The following GRIN2A variants were observed in gnomAD, a reference collection of about 807,000 sequenced individuals.
GRIN2A encodes glutamate receptor ionotropic, NMDA 2A.
GRIN2A carries 22 observed loss-of-function variants against 113.4 expected under a neutral mutation model. The observed-to-expected ratio is 0.19, with a 90% CI of 0.14 to 0.28. GRIN2A has a LOEUF of 0.28. Ranked by LOEUF, GRIN2A falls within the 10% of genes least tolerant of loss-of-function variation. The probability of loss-of-function intolerance (pLI) is 1.00; values close to 1 mark genes in which losing one functional copy is unlikely to be tolerated. For missense variants in GRIN2A, 1,502 were observed against 1,887.0 expected (o/e 0.80, Z 3.78); for synonymous variants, 827 against 738.4 (o/e 1.12, Z -1.94).
At chr16:10,150,731 T>G (rs2049551270) in intron 2 of GRIN2A, among the ~76,000 whole-genome samples, 1 of 151,636 alleles carries the variant, frequency 6.6e-6, no homozygotes, top group Admixed American at 6.6e-5. Flanking sequence ...CTCTCTTAAA[T>G]ACTCCACCTT....
At chr16:10,118,425 G>C (rs1423966651) in intron 2 of GRIN2A, among the ~76,000 whole-genome samples, 1 of 152,062 alleles carries the variant, frequency 6.6e-6, no homozygotes, top group African/African-American at 2.4e-5. Context: ...TGTGGGTACA[G>C]CTCTACAAGC....
chr16:9,829,588 A>G lies in GRIN2A; in HGVS notation c.1842T>C (p.Asn614=), dbSNP rs138236719. 1.5e-5 allele frequency: 24 copies of G among 1,613,916 alleles called. No individual in the cohort carries two copies. Among genetic ancestry groups the G allele is most frequent in the African/African-American group, 2.7e-5 (2 of 74,924 alleles). Residue 614 remains asparagine (N), a synonymous_variant, in exon 9 of 13, where the codon AAT becomes AAC. Coordinates refer to ENST00000330684, the MANE Select transcript of GRIN2A (RefSeq NM_001134407.3). ...TAGGATTCTGGACAGGCACGGAGTT[A>G]TTGAACACCAGGCCCCAAAGAAGCC... ...AIWLLWGLVF[N]NSVPVQNPKG... is the part of the protein sequence containing the mutation.
intron 10 of GRIN2A, among the ~76,000 whole-genome samples, chr16:9,820,465 G>A (rs1041494257): frequency 1.3e-5 from 2 of 152,114 alleles, no homozygotes; most frequent in Non-Finnish European, 2.9e-5. Flanking sequence ...ACAGAAATGC[G>A]CTCACTCATT....
Position 9,761,255 on chromosome 16 carries a change from TG to T in GRIN2A, c.*1893del, listed in dbSNP as rs1253326422. 2 of 230,616 alleles carry T rather than the reference TG, an allele frequency of 8.7e-6. No homozygotes were observed. The highest frequency in any genetic ancestry group is 2.2e-5 in the African/African-American group (1 of 45,194). The allele number at this position is 230,616 out of a possible 1,614,324, so 14.3% of individuals were successfully genotyped here. On this transcript the variant is annotated 3_prime_UTR_variant, in exon 13 of 13. Transcript: ENST00000330684. The stretch of plus-strand genomic sequence containing the variant: ...CTTTAAGGGAATCATCCCTGACACT[TG>T]CCCACATGCAAGAAAATAATACTTA...
chr16:10,117,907 T>TA (rs1282303741), intron 2 of GRIN2A, among the ~76,000 whole-genome samples: 1 of 152,226 alleles, frequency 6.6e-6, no homozygotes, highest in Non-Finnish European at 1.5e-5. Flanking sequence ...CTTGCCCCTT[T>TA]ATCCCTGTGG....
intron 4 of GRIN2A, among the ~76,000 whole-genome samples, chr16:9,873,939 T>C (rs2043314655): frequency 6.6e-6 from 1 of 152,370 alleles, no homozygotes; most frequent in Non-Finnish European, 1.5e-5. Flanking sequence ...CGATTCAAAT[T>C]GTTTGTTTCA....
At chr16:9,829,927 A>G (rs2042458046) in intron 8 of GRIN2A, among the ~76,000 whole-genome samples, 1 of 152,222 alleles carries the variant, frequency 6.6e-6, no homozygotes, top group Admixed American at 6.5e-5. Context: ...GGTTTGAATA[A>G]GTAGTGTTAT....
intron 5 of GRIN2A, among the ~76,000 whole-genome samples, chr16:9,849,208 TC>T (rs1351141602): frequency 3.1e-4 from 45 of 144,184 alleles, no homozygotes; most frequent in African/African-American, 9.3e-4. Flanking sequence ...ATATATAATT[TC>T]TATATATTTA....
At chr16:9,968,850 G>A (rs2315513) in intron 2 of GRIN2A, among the ~76,000 whole-genome samples, 32,350 of 151,792 alleles carry the variant, frequency 0.21, 3,587 homozygotes, top group Non-Finnish European at 0.23. Flanking sequence ...CAGGTGATCC[G>A]CCCGCCTCAG....
rs1404462639 is a variant in GRIN2A, at chr16:9,829,628, A to G, written c.1802T>C (p.Ile601Thr). The change falls in exon 9 of 13, where the codon ATT becomes ACT. Residue 601 changes from isoleucine (I) to threonine (T), a missense_variant. By Grantham distance (89) the Ile-to-Thr change is moderately conservative (BLOSUM62 -1). Coordinates refer to ENST00000330684, the MANE Select transcript of GRIN2A (RefSeq NM_001134407.3). ...GKAPHGPSFTIGKAIWLLWGL... is the reference protein window; with the variant it reads ...GKAPHGPSFTTGKAIWLLWGL... Reference sequence around the variant, plus strand: ...CCAAAGAAGCCATATAGCTTTTCCAATTGTAAAAGAAGGCCCATGGGGTGC... The same window carrying G: ...CCAAAGAAGCCATATAGCTTTTCCAGTTGTAAAAGAAGGCCCATGGGGTGC... 6.2e-7 allele frequency: 1 copy of G among 1,613,670 alleles called. No homozygotes were observed. The highest frequency in any genetic ancestry group is 8.5e-7 in the Non-Finnish European group (1 of 1,179,618).
At chr16:10,016,744 T>G (rs1385172708) in intron 2 of GRIN2A, among the ~76,000 whole-genome samples, 1 of 152,170 alleles carries the variant, frequency 6.6e-6, no homozygotes, top group Admixed American at 6.5e-5. Context: ...AGCTCACATC[T>G]CTCTTACCTG....
At chr16:9,907,410 G>T (rs1412498494) in intron 3 of GRIN2A, among the ~76,000 whole-genome samples, 1 of 152,092 alleles carries the variant, frequency 6.6e-6, no homozygotes, top group South Asian at 2.1e-4. Context: ...GACATTCTCC[G>T]AAACCCAAAA....
At chr16:10,039,813 A>AGAGAGAGAGAGAGAGGGAGAGAGAG (rs1555469303) in intron 2 of GRIN2A, among the ~76,000 whole-genome samples, 1 of 73,582 alleles carries the variant, frequency 1.4e-5, no homozygotes, top group Non-Finnish European at 2.5e-5. Flanking sequence ...GGGGGGGAGA[A>AGAGAGAGAGAGAGAGGGAGAGAGAG]AGAGAGAGAG....
At chr16:10,124,387 G>A (rs1245244768) in intron 2 of GRIN2A, among the ~76,000 whole-genome samples, 2 of 152,272 alleles carry the variant, frequency 1.3e-5, no homozygotes, top group South Asian at 2.1e-4. Flanking sequence ...CTCAATAACT[G>A]GAGGCTGTTA....
rs947998688 is a variant in GRIN2A at position 9,754,652 on chromosome 16, A to T, written c.*8497T>A. 10 of 216,404 alleles carry T rather than the reference A, an allele frequency of 4.6e-5. No homozygotes were observed. Among genetic ancestry groups the T allele is most frequent in the East Asian group, 1.4e-4 (2 of 14,480 alleles). The allele number at this position is 216,404 out of a possible 1,614,324, so 13.4% of individuals were successfully genotyped here. A position where few individuals can be genotyped will look rare whatever the true frequency, so the allele number is the denominator to read the frequency against. ...ATAAACTAAAGATTTAAAAAAATTT[A>T]AAAAAGATTTTAAAAGTCAATACTG... On this transcript the variant is annotated 3_prime_UTR_variant, in exon 13 of 13. Coordinates refer to ENST00000330684, the MANE Select transcript of GRIN2A (RefSeq NM_001134407.3).
At chr16:9,991,110 C>T (rs760902702) in intron 2 of GRIN2A, among the ~76,000 whole-genome samples, 10 of 152,040 alleles carry the variant, frequency 6.6e-5, no homozygotes, top group South Asian at 2.1e-4. Context: ...TCTAAGATGC[C>T]GATGTCCTCA....
intron 2 of GRIN2A, among the ~76,000 whole-genome samples, chr16:10,152,136 G>T (rs1286565904): frequency 6.6e-6 from 1 of 152,164 alleles, no homozygotes; most frequent in Non-Finnish European, 1.5e-5. Flanking sequence ...GAGGACCTAG[G>T]ACTGCGCAAA....
At position 10,180,918 on chromosome 16, in the gene GRIN2A, G is replaced by C. The variant is rs1032666031; in HGVS notation, c.-18-489C>G. The C allele has an allele frequency of 2.6e-5, 5 of 192,768 alleles. No homozygotes were observed. Among genetic ancestry groups the C allele is most frequent in the African/African-American group, 1.2e-4 (5 of 42,558 alleles). 11.9% of individuals were successfully genotyped at this position (192,768 alleles called of 1,614,324 possible). ...CTACAGACCCCGCAGGGCGTGCGGAGGCGGCACCCAGACCCCGCGTCCCAG... is the reference window on the plus strand; with the variant it reads ...CTACAGACCCCGCAGGGCGTGCGGACGCGGCACCCAGACCCCGCGTCCCAG... On this transcript the variant is annotated intron_variant, in intron 1 of 12. Transcript: ENST00000330684. The surrounding 1 kb of genome is among the most constrained non-coding windows in gnomAD (Gnocchi z 7.0).
At chr16:10,117,313 A>G (rs543063753) in intron 2 of GRIN2A, among the ~76,000 whole-genome samples, 22 of 152,304 alleles carry the variant, frequency 1.4e-4, no homozygotes, top group Admixed American at 9.8e-4. Context: ...ATCTTTAGAG[A>G]CGCATATTGA....
Sources: gnomAD v4.1 joint callset for allele counts (sites outside exome capture counted in the v4.1 genomes callset) on GRCh38, gnomAD v4.1.1 for gene constraint, Gnocchi (gnomAD v3.1) non-coding constraint, MANE v1.5 for transcripts, NCBI Gene and HGNC (gene_info 2026-07-23, HGNC 2026-07-21) for gene names.